NRG1: variants seen among roughly 807,000 people sequenced by gnomAD.
NRG1 encodes pro-neuregulin-1, membrane-bound isoform.
In NRG1, 18 loss-of-function variants were observed where a neutral mutation model predicts 63.8. That is an observed-to-expected ratio of 0.28 (90% CI 0.19 to 0.42). NRG1 has a LOEUF of 0.42. NRG1 is among the 10% of genes least tolerant of loss of function. The probability of loss-of-function intolerance (pLI) is 1.00; values close to 1 mark genes in which losing one functional copy is unlikely to be tolerated. For missense variants in NRG1, 762 were observed against 814.7 expected, an observed-to-expected ratio of 0.94 and a Z score of 0.79; for synonymous variants, 302 against 301.3, an observed-to-expected ratio of 1.00 and a Z score of -0.02.
intron 1 of NRG1, among the ~76,000 whole-genome samples, chr8:32,573,478 T>A (rs1839022687): frequency 6.6e-6 from 1 of 152,186 alleles, no homozygotes; most frequent in Non-Finnish European, 1.5e-5. Flanking sequence ...TATCCCAATA[T>A]CCTGACATAA....
chr8:32,361,144 T>C (rs1807152364), intron 1 of NRG1, among the ~76,000 whole-genome samples: 1 of 152,172 alleles, frequency 6.6e-6, no homozygotes, highest in Non-Finnish European at 1.5e-5. Context: ...ATGTAATATC[T>C]GTTCTCAATT....
At chr8:31,659,358 C>A (rs28468446) in intron 1 of NRG1, among the ~76,000 whole-genome samples, 1 of 152,002 alleles carries the variant, frequency 6.6e-6, no homozygotes, top group African/African-American at 2.4e-5. Flanking sequence ...GACATGGCAC[C>A]AAGAATGAGC....
At chr8:32,601,759 C>T (rs1051673322) in intron 2 of NRG1, among the ~76,000 whole-genome samples, 2 of 151,622 alleles carry the variant, frequency 1.3e-5, no homozygotes, top group Admixed American at 1.3e-4. Context: ...CAAAGTATAT[C>T]CAAAGTATAA....
chr8:31,928,914 G>A (rs1250960023), intron 1 of NRG1, among the ~76,000 whole-genome samples: 1 of 151,980 alleles, frequency 6.6e-6, no homozygotes, highest in South Asian at 2.1e-4. Flanking sequence ...CTATGCATTG[G>A]GTACAATGTA....
intron 1 of NRG1, among the ~76,000 whole-genome samples, chr8:31,914,162 A>G (rs1332074852): frequency 1.3e-5 from 2 of 152,188 alleles, no homozygotes; most frequent in Non-Finnish European, 2.9e-5. Context: ...TTTCTTTCCC[A>G]TTCAGATATT....
chr8:32,331,091 T>C (rs918325715), intron 1 of NRG1, among the ~76,000 whole-genome samples: 4 of 151,988 alleles, frequency 2.6e-5, no homozygotes, highest in African/African-American at 9.7e-5. Context: ...TTTTGTGGCG[T>C]GTAAAAAAAA....
chr8:32,032,521 C>T (rs934766842), intron 1 of NRG1, among the ~76,000 whole-genome samples: 1 of 152,204 alleles, frequency 6.6e-6, no homozygotes, highest in Non-Finnish European at 1.5e-5. Flanking sequence ...CTGCCTCAGC[C>T]TCCCAAAGTG....
intron 1 of NRG1, among the ~76,000 whole-genome samples, chr8:31,928,907 T>C (rs560199664): frequency 6.6e-6 from 1 of 152,206 alleles, no homozygotes; most frequent in East Asian, 1.9e-4. Flanking sequence ...GAAATAACTA[T>C]GCATTGGGTA....
At chr8:31,909,014 C>T (rs1248662294) in intron 1 of NRG1, among the ~76,000 whole-genome samples, 1 of 152,130 alleles carries the variant, frequency 6.6e-6, no homozygotes, top group Admixed American at 6.5e-5. Context: ...ACAATAAACA[C>T]AGTTGGATTG....
intron 1 of NRG1, among the ~76,000 whole-genome samples, chr8:32,477,016 A>G (rs1333807553): frequency 3.3e-5 from 5 of 152,182 alleles, no homozygotes; most frequent in African/African-American, 9.7e-5. Context: ...AAGACAATGT[A>G]TGTAGATCAA....
intron 1 of NRG1, among the ~76,000 whole-genome samples, chr8:32,527,287 T>C (rs914562025): frequency 6.6e-5 from 10 of 152,044 alleles, no homozygotes. Flanking sequence ...TATATATACA[T>C]ACACATACAA....
chr8:32,384,425 ATC>A (rs1398921923), intron 1 of NRG1, among the ~76,000 whole-genome samples: 1 of 152,248 alleles, frequency 6.6e-6, no homozygotes, highest in Non-Finnish European at 1.5e-5. Context: ...CTCACAGATT[ATC>A]TGTCTCCTGG....
intron 1 of NRG1, among the ~76,000 whole-genome samples, chr8:31,957,233 G>A (rs1804602806): frequency 6.6e-6 from 1 of 150,872 alleles, no homozygotes; most frequent in Non-Finnish European, 1.5e-5. Flanking sequence ...ACAAGGGGGT[G>A]TCCCTGAGGG....
intron 1 of NRG1, among the ~76,000 whole-genome samples, chr8:32,010,693 CCTT>C (rs1201998877): frequency 6.6e-6 from 1 of 151,958 alleles, no homozygotes; most frequent in African/African-American, 2.4e-5. Flanking sequence ...CCAGCATTAC[CCTT>C]CATTACCTGT....
intron 1 of NRG1, among the ~76,000 whole-genome samples, chr8:32,330,031 C>G (rs1410371093): frequency 8.9e-6 from 1 of 112,818 alleles, no homozygotes; most frequent in East Asian, 2.5e-4. Context: ...TGCCTCCACA[C>G]CTAGCTAATT....
chr8:31,768,462 T>C (rs1364197053), intron 1 of NRG1, among the ~76,000 whole-genome samples: 2 of 152,190 alleles, frequency 1.3e-5, no homozygotes, highest in East Asian at 1.9e-4. Flanking sequence ...CTCTGGAAGA[T>C]GATTGGTGCA....
chr8:32,174,665 A>G (rs1459137390), intron 1 of NRG1, among the ~76,000 whole-genome samples: 1 of 152,240 alleles, frequency 6.6e-6, no homozygotes, highest in Non-Finnish European at 1.5e-5. Context: ...CACCGATCCC[A>G]CAGAAATACA....
chr8:32,107,968 A>G (rs1032970543), intron 1 of NRG1, among the ~76,000 whole-genome samples: 4 of 152,214 alleles, frequency 2.6e-5, no homozygotes, highest in Admixed American at 2.6e-4. Context: ...AGTTTGTAAA[A>G]GCTTCTGATA....
At chr8:31,759,131 C>A (rs140002596) in intron 1 of NRG1, among the ~76,000 whole-genome samples, 1 of 151,974 alleles carries the variant, frequency 6.6e-6, no homozygotes. Context: ...ATGTTCCTTA[C>A]GTATTGTGGA....
Sources: gnomAD v4.1 joint callset for allele counts (sites outside exome capture counted in the v4.1 genomes callset) on GRCh38, gnomAD v4.1.1 for gene constraint, MANE v1.5 for transcripts, NCBI Gene and HGNC (gene_info 2026-07-23, HGNC 2026-07-21) for gene names.